BTBD8: variants seen among roughly 807,000 people sequenced by gnomAD.
BTBD8 encodes the protein BTB domain containing 8.
A neutral mutation model predicts 162.9 loss-of-function variants in BTBD8; 110 were observed. That is an observed-to-expected ratio of 0.68 (90% CI 0.58 to 0.79). The LOEUF (loss-of-function observed/expected upper bound fraction) is 0.79, where lower values mean the gene tolerates loss of function less well. Ranked by LOEUF, BTBD8 falls within the 30% of genes least tolerant of loss-of-function variation. The pLI, the probability that BTBD8 is intolerant of heterozygous loss-of-function variation, is 0.00. For synonymous variants in BTBD8, 667 were observed against 716.1 expected, an observed-to-expected ratio of 0.93 and a Z score of 1.10; for missense variants, 1,905 against 2,085.4, an observed-to-expected ratio of 0.91 and a Z score of 1.68.
In BTBD8 at chr1:92,168,115, C is replaced by T. The variant is rs1650431882; in HGVS notation, c.1443+130C>T. On this transcript the variant is annotated intron_variant, in intron 11 of 17. Coordinates refer to ENST00000636805, the MANE Select transcript of BTBD8 (RefSeq NM_001376131.1). ...GATACCTAGGGGTGGATTAAGGTCT[C>T]TACTTTTGTATATGTTTGGAATTTT... The T allele has an allele frequency of 6.1e-6, 4 of 651,028 alleles. No homozygotes were observed. In the South Asian group the frequency reaches 1.9e-4, roughly 31 times the overall value. The allele number at this position is 651,028 out of a possible 1,614,324, so 40.3% of individuals were successfully genotyped here.
At chr1:92,154,871 C>G (rs1215390433) in intron 9 of BTBD8, among the ~76,000 whole-genome samples, 1 of 152,128 alleles carries the variant, frequency 6.6e-6, no homozygotes, top group Non-Finnish European at 1.5e-5. Context: ...ATGAAGCTTT[C>G]TTCTAGGAGT....
intron 9 of BTBD8, 59 bp downstream of exon 9, chr1:92,147,845 G>A (rs766295479): frequency 5.1e-6 from 7 of 1,380,288 alleles, no homozygotes; most frequent in Non-Finnish European, 7.1e-6. Context: ...ATTCAATTTT[G>A]TATAGTACTT....
intron 13 of BTBD8, among the ~76,000 whole-genome samples, chr1:92,175,513 G>A (rs1219708039): frequency 2.3e-5 from 3 of 129,064 alleles, no homozygotes; most frequent in Non-Finnish European, 3.2e-5. Context: ...TGACAATATT[G>A]GCCGGGCACA....
At chr1:92,175,515 C>T (rs1255913628) in intron 13 of BTBD8, among the ~76,000 whole-genome samples, 1 of 134,396 alleles carries the variant, frequency 7.4e-6, no homozygotes, top group Non-Finnish European at 1.6e-5. Context: ...ACAATATTGG[C>T]CGGGCACAGT....
In BTBD8 at chr1:92,181,780, G is replaced by A. The variant is rs767469314; in HGVS notation, c.4097G>A (p.Arg1366Gln). 36 of 1,551,062 alleles carry A rather than the reference G, an allele frequency of 2.3e-5. No homozygotes were observed. The highest frequency in any genetic ancestry group is 1.6e-4 in the African/African-American group (12 of 72,984). The stretch of plus-strand genomic sequence containing the variant: ...TCTAGGGAAAGAGAAAATATTCCAC[G>A]AGGCAGTGTCCAGTTTGCTCAGGAA... ...VHSRERENIP[R>Q]GSVQFAQEID... The change falls in exon 17 of 18, where the codon CGA (arginine) becomes CAA (glutamine). Residue 1366 changes from arginine (R) to glutamine (Q), a missense_variant. Around this residue, in one of 3 missense-constraint regions of BTBD8, gnomAD observed 517 missense variants for 606.6 expected, o/e 0.85. Transcript: ENST00000636805.
rs754055215 is a variant in BTBD8, at chr1:92,147,374, A to G, written c.1019+106A>G. The G allele has an allele frequency of 3.8e-5, 35 of 928,846 alleles. No homozygotes were observed. In the Admixed American group the frequency reaches 4.6e-4, roughly 12 times the overall value. The allele number at this position is 928,846 out of a possible 1,614,324, so 57.5% of individuals were successfully genotyped here. A position where few individuals can be genotyped will look rare whatever the true frequency, so the allele number is the denominator to read the frequency against. ...GAGTTGGCCTGTTTTCTTGGACACA[A>G]TGTAAGTAAGTAGCTTAGTGCTAAA... On this transcript the variant is annotated intron_variant, in intron 8 of 17. Transcript: ENST00000636805.
intron 2 of BTBD8, among the ~76,000 whole-genome samples, chr1:92,092,088 A>G (rs1205291894): frequency 1.3e-5 from 2 of 152,120 alleles, no homozygotes; most frequent in Non-Finnish European, 2.9e-5. Flanking sequence ...TGGGGTCTTC[A>G]TAAGGATTAG....
chr1:92,146,041 A>G (rs943095122), intron 7 of BTBD8, among the ~76,000 whole-genome samples: 3 of 152,196 alleles, frequency 2.0e-5, no homozygotes, highest in Non-Finnish European at 4.4e-5. Flanking sequence ...TCTGAGATCA[A>G]TATAGGGCCT....
chr1:92,168,780 G>A lies in BTBD8; in HGVS notation c.1444-86G>A, dbSNP rs139063622. 473 of 1,267,070 alleles carry A rather than the reference G, an allele frequency of 3.7e-4. 3 individuals carry two copies. The African/African-American group carries it at 6.3e-3, about 17-fold the overall frequency. The allele number at this position is 1,267,070 out of a possible 1,614,324, so 78.5% of individuals were successfully genotyped here. On this transcript the variant is annotated intron_variant, in intron 11 of 17. Coordinates refer to ENST00000636805, the MANE Select transcript of BTBD8 (RefSeq NM_001376131.1). ...ATGATGACATCATTGATCTAGCTTAGGAGTAAGTAGATTCTGAAAGGAATA... is the reference window on the plus strand; with the variant it reads ...ATGATGACATCATTGATCTAGCTTAAGAGTAAGTAGATTCTGAAAGGAATA...
intron 2 of BTBD8, among the ~76,000 whole-genome samples, chr1:92,095,646 C>G (rs1197919815): frequency 1.3e-5 from 2 of 152,164 alleles, no homozygotes; most frequent in African/African-American, 2.4e-5. Flanking sequence ...AGTCCTCCTT[C>G]CATAAAGATT....
In BTBD8 at chr1:92,167,952, C is replaced by T. The variant is rs768235701; in HGVS notation, c.1410C>T (p.Asp470=). The T allele has an allele frequency of 1.3e-6, 2 of 1,549,894 alleles. No homozygotes were observed. The highest frequency in any genetic ancestry group is 1.4e-5 in the African/African-American group (1 of 73,132). The change falls in exon 11 of 18, where the codon GAC becomes GAT. Residue 470 remains aspartate (D), a synonymous_variant. Transcript: ENST00000636805. ...GCTGCTCTCTTCTTATGGCTCTGGA[C>T]ACACTGCTGAACTCTGACAGTACAA... The part of the protein sequence containing the change: ...ENSCSLLMAL[D]TLLNSDSTKE...
chr1:92,109,352 T>C (rs1229647613), intron 4 of BTBD8, among the ~76,000 whole-genome samples: 1 of 152,056 alleles, frequency 6.6e-6, no homozygotes, highest in Non-Finnish European at 1.5e-5. Flanking sequence ...ACCAAAGTTA[T>C]AGAGCCCTAT....
chr1:92,165,638 A>G (rs1650368238), intron 9 of BTBD8, among the ~76,000 whole-genome samples: 4 of 152,036 alleles, frequency 2.6e-5, no homozygotes, highest in African/African-American at 4.8e-5. Context: ...GCTTAAAACA[A>G]CTCCACAATT....
At chr1:92,091,782 T>C (rs957166398) in intron 2 of BTBD8, among the ~76,000 whole-genome samples, 2 of 152,226 alleles carry the variant, frequency 1.3e-5, no homozygotes, top group Non-Finnish European at 2.9e-5. Flanking sequence ...TATTTTTAAC[T>C]CTTACATTTA....
intron 2 of BTBD8, among the ~76,000 whole-genome samples, chr1:92,100,281 G>A (rs1648553910): frequency 6.6e-6 from 1 of 151,922 alleles, no homozygotes; most frequent in Non-Finnish European, 1.5e-5. Context: ...AAGGAATGTT[G>A]GCCTATGTTT....
intron 4 of BTBD8, among the ~76,000 whole-genome samples, chr1:92,111,918 G>A (rs941103169): frequency 4.1e-4 from 62 of 152,284 alleles, no homozygotes; most frequent in African/African-American, 1.4e-3. Context: ...TAATGCCACA[G>A]GGACCTGCAA....
At chr1:92,081,072 A>G (rs1648001061) in intron 1 of BTBD8, among the ~76,000 whole-genome samples, 2 of 152,246 alleles carry the variant, frequency 1.3e-5, no homozygotes, top group South Asian at 4.1e-4. Context: ...CACAATTTTT[A>G]AAATAAGCTT....
intron 9 of BTBD8, among the ~76,000 whole-genome samples, chr1:92,153,075 C>A (rs539443231): frequency 2.1e-4 from 32 of 152,036 alleles, no homozygotes; most frequent in Non-Finnish European, 3.4e-4. Context: ...TAGCAATAAC[C>A]CCAGATTGGC....
chr1:92,085,576 G>T (rs763451969), intron 1 of BTBD8, among the ~76,000 whole-genome samples: 4 of 151,964 alleles, frequency 2.6e-5, no homozygotes, highest in African/African-American at 4.8e-5. Context: ...CAGGAGAATC[G>T]CTTGAACCTA....
Sources: gnomAD v4.1 joint callset for allele counts (sites outside exome capture counted in the v4.1 genomes callset) on GRCh38, gnomAD v4.1.1 for gene constraint, gnomAD v4.1.1 regional missense constraint, MANE v1.5 for transcripts, NCBI Gene and HGNC (gene_info 2026-07-23, HGNC 2026-07-21) for gene names.